The following TMEM39A variants were observed in gnomAD, a reference collection of about 807,000 sequenced individuals.
The protein encoded by TMEM39A is transmembrane protein 39A, also known as suppressor of SQST-1 aggregates in rpl-43 mutants.
TMEM39A carries 19 observed loss-of-function variants against 51.9 expected under a neutral mutation model. The ratio of observed to expected loss-of-function variants is 0.37; its 90% CI spans 0.26 to 0.54. The LOEUF (loss-of-function observed/expected upper bound fraction) is 0.54, where lower values mean the gene tolerates loss of function less well. Ranked by LOEUF, TMEM39A falls within the 20% of genes least tolerant of loss-of-function variation. The pLI is 0.88. For synonymous variants in TMEM39A, 197 were observed against 220.2 expected, an observed-to-expected ratio of 0.89 and a Z score of 0.93; for missense variants, 433 against 590.5, an observed-to-expected ratio of 0.73 and a Z score of 2.76.
chr3:119,451,365 G>C, intron 4 of TMEM39A: 1 of 1,111,216 alleles, frequency 9.0e-7, no homozygotes, highest in Non-Finnish European at 1.2e-6. Flanking sequence ...AATTATTTGT[G>C]ATTATAGTAA....
intron 8 of TMEM39A, among the ~76,000 whole-genome samples, chr3:119,432,868 C>G (rs2080918906): frequency 6.6e-6 from 1 of 151,842 alleles, no homozygotes; most frequent in Admixed American, 6.6e-5. Flanking sequence ...AAGCAGGGTG[C>G]ACAAAGACAG....
intron 4 of TMEM39A, among the ~76,000 whole-genome samples, chr3:119,451,866 A>G (rs775922371): frequency 6.0e-5 from 9 of 150,988 alleles, no homozygotes; most frequent in Non-Finnish European, 1.3e-4. Flanking sequence ...AAGAAAAATG[A>G]TACCAATGGC....
chr3:119,437,548 A>G (rs1455576719), intron 6 of TMEM39A, among the ~76,000 whole-genome samples: 1 of 151,778 alleles, frequency 6.6e-6, no homozygotes, highest in East Asian at 1.9e-4. Flanking sequence ...AAAGAAAAAA[A>G]GAGGGAACCA....
chr3:119,429,942 C>T lies in TMEM39A; in HGVS notation c.*2039G>A, dbSNP rs181768864. ...TCTCTAATCAGGGTTTTCTGGGTTA[C>T]TTTCCCAAGCTGGAGCCAAGTTGGG... On this transcript the variant is annotated 3_prime_UTR_variant, in exon 9 of 9. Coordinates refer to ENST00000319172, the MANE Select transcript of TMEM39A (RefSeq NM_018266.3). 6.6e-6 allele frequency: 1 copy of T among 152,224 alleles called. No individual in the cohort carries two copies. Among genetic ancestry groups the T allele is most frequent in the East Asian group, 1.9e-4 (1 of 5,184 alleles). The allele number at this position is 152,224 out of a possible 1,614,324, so 9.4% of individuals were successfully genotyped here. A position where few individuals can be genotyped will look rare whatever the true frequency, so the allele number is the denominator to read the frequency against.
chr3:119,461,377 T>C (rs985700219), intron 2 of TMEM39A, among the ~76,000 whole-genome samples: 2 of 152,246 alleles, frequency 1.3e-5, no homozygotes, highest in African/African-American at 4.8e-5. Context: ...GTAGTACTGA[T>C]TGCTAGCTCT....
chr3:119,438,813 T>G (rs1056737478), intron 5 of TMEM39A, among the ~76,000 whole-genome samples: 3 of 152,104 alleles, frequency 2.0e-5, no homozygotes, highest in African/African-American at 7.2e-5. Context: ...CCCATCCCAC[T>G]CCCACAGGCG....
At chr3:119,440,410 A>G (rs893859796) in intron 5 of TMEM39A, among the ~76,000 whole-genome samples, 1 of 152,192 alleles carries the variant, frequency 6.6e-6, no homozygotes, top group African/African-American at 2.4e-5. Context: ...CCATTGTGAA[A>G]ATCATTCTAG....
chr3:119,441,550 G>A (rs2081054196), intron 5 of TMEM39A, among the ~76,000 whole-genome samples: 2 of 152,186 alleles, frequency 1.3e-5, no homozygotes, highest in South Asian at 4.1e-4. Flanking sequence ...CAGAAGAAAC[G>A]TATGAAGGTT....
chr3:119,436,073 G>A (rs2080964239), intron 7 of TMEM39A: 2 of 528,878 alleles, frequency 3.8e-6, no homozygotes, highest in African/African-American at 4.0e-5. Flanking sequence ...ATTACAAAAG[G>A]GGGAAGATGA....
intron 2 of TMEM39A, among the ~76,000 whole-genome samples, chr3:119,458,803 G>A (rs1420998502): frequency 2.0e-5 from 3 of 152,194 alleles, no homozygotes; most frequent in Non-Finnish European, 4.4e-5. Flanking sequence ...GCTGAGGCAG[G>A]AGAATCGCTT....
intron 5 of TMEM39A, among the ~76,000 whole-genome samples, chr3:119,442,689 T>C (rs892764849): frequency 6.6e-6 from 1 of 152,188 alleles, no homozygotes; most frequent in Non-Finnish European, 1.5e-5. Context: ...CCCTCATGGA[T>C]GACTTTGAGA....
chr3:119,435,652 T>G (rs536443786), intron 7 of TMEM39A: 2 of 984,946 alleles, frequency 2.0e-6, no homozygotes, highest in East Asian at 2.3e-4. Flanking sequence ...GGATAAGAAC[T>G]GGGAGGCAGT....
chr3:119,440,858 G>A (rs1387460778), intron 5 of TMEM39A, among the ~76,000 whole-genome samples: 1 of 152,084 alleles, frequency 6.6e-6, no homozygotes, highest in African/African-American at 2.4e-5. Context: ...AAGGTTTGTG[G>A]CAACCCTGCA....
intron 5 of TMEM39A, among the ~76,000 whole-genome samples, chr3:119,446,292 A>G (rs1486522834): frequency 1.3e-5 from 2 of 152,208 alleles, no homozygotes. Context: ...CTTTGGAGCC[A>G]TATTAAGTAA....
intron 4 of TMEM39A, among the ~76,000 whole-genome samples, chr3:119,447,771 A>C (rs1001858964): frequency 4.0e-5 from 6 of 151,870 alleles, no homozygotes; most frequent in Non-Finnish European, 8.8e-5. Context: ...ATACAGGCGT[A>C]CACCACCACG....
At chr3:119,435,441 A>ACC (rs2080955695) in intron 7 of TMEM39A, 1 of 983,838 alleles carries the variant, frequency 1.0e-6, no homozygotes, top group Non-Finnish European at 1.2e-6. Context: ...ACACACACAC[A>ACC]CAGACTTTTC....
chr3:119,452,808 TTTGAG>T (rs1257307756), intron 3 of TMEM39A, among the ~76,000 whole-genome samples: 5 of 152,260 alleles, frequency 3.3e-5, no homozygotes, highest in Admixed American at 6.5e-5. Flanking sequence ...AGATTGCAGC[TTTGAG>T]TTAACAAGTT....
chr3:119,433,564 C>T (rs2080927371), intron 8 of TMEM39A, among the ~76,000 whole-genome samples: 1 of 152,126 alleles, frequency 6.6e-6, no homozygotes, highest in African/African-American at 2.4e-5. Context: ...AGCAAGGAAA[C>T]TACTTAATTT....
chr3:119,452,543 T>C lies in TMEM39A; in HGVS notation c.337-13A>G, dbSNP rs1410517737. The C allele has an allele frequency of 3.1e-6, 5 of 1,602,514 alleles. No individual in the cohort carries two copies. The highest frequency in any genetic ancestry group is 3.4e-6 in the Non-Finnish European group (4 of 1,170,470). ...TGAGATGAAAATTCTACAACAGAAA[T>C]AAATAACTACATCAGAAAGAAATAT... On this transcript the variant is annotated splice_polypyrimidine_tract_variant and intron_variant, in intron 3 of 8. Transcript: ENST00000319172.
Sources: allele counts gnomAD v4.1 joint callset (sites outside exome capture counted in the v4.1 genomes callset), GRCh38; gene constraint gnomAD v4.1.1; transcripts MANE v1.5; gene names NCBI Gene and HGNC (gene_info 2026-07-23, HGNC 2026-07-21).